The following PIP4K2A variants were observed in gnomAD, a reference collection of about 807,000 sequenced individuals.
The protein encoded by PIP4K2A is phosphatidylinositol 5-phosphate 4-kinase type-2 alpha.
PIP4K2A carries 14 observed loss-of-function variants against 42.9 expected under a neutral mutation model. The observed-to-expected ratio is 0.33, with a 90% CI of 0.22 to 0.51. The LOEUF is 0.51. Among genes scored for constraint, PIP4K2A ranks in the 20% least tolerant of loss-of-function variants. The probability of loss-of-function intolerance (pLI) is 0.97; values close to 1 mark genes in which losing one functional copy is unlikely to be tolerated. For missense variants in PIP4K2A, 434 were observed against 519.8 expected (o/e 0.83, Z 1.61); for synonymous variants, 192 against 192.2 (o/e 1.00, Z 0.01).
chr10:22,704,672 G>C (rs1351550507), intron 1 of PIP4K2A, among the ~76,000 whole-genome samples: 1 of 127,418 alleles, frequency 7.8e-6, no homozygotes, highest in Non-Finnish European at 1.7e-5. Context: ...AAAAAAAAAA[G>C]GAACAGAAAA....
intron 3 of PIP4K2A, among the ~76,000 whole-genome samples, chr10:22,600,179 C>G (rs184176958): frequency 6.6e-6 from 1 of 151,924 alleles, no homozygotes; most frequent in Non-Finnish European, 1.5e-5. Flanking sequence ...GAACTAATCA[C>G]GTAAGTCTTG....
intron 4 of PIP4K2A, among the ~76,000 whole-genome samples, chr10:22,577,074 TCTC>T (rs1353397873): frequency 2.6e-4 from 14 of 53,080 alleles, no homozygotes. Context: ...CAAACTCCTG[TCTC>T]AAAAAAAAAA....
chr10:22,645,003 C>T (rs1838851120), intron 1 of PIP4K2A, among the ~76,000 whole-genome samples: 2 of 152,158 alleles, frequency 1.3e-5, no homozygotes, highest in South Asian at 2.1e-4. Context: ...TACTGCCTAC[C>T]CCCTTCCCCC....
chr10:22,649,671 G>A (rs1838953099), intron 1 of PIP4K2A, among the ~76,000 whole-genome samples: 1 of 152,118 alleles, frequency 6.6e-6, no homozygotes, highest in South Asian at 2.1e-4. Flanking sequence ...CACCTCCAAG[G>A]GAGGGGCATG....
chr10:22,657,276 C>T (rs761342247), intron 1 of PIP4K2A, among the ~76,000 whole-genome samples: 1 of 152,214 alleles, frequency 6.6e-6, no homozygotes, highest in Non-Finnish European at 1.5e-5. Flanking sequence ...AATGGGATGC[C>T]TTCACCTCCA....
chr10:22,641,224 G>T (rs1273362949), intron 1 of PIP4K2A, among the ~76,000 whole-genome samples: 3 of 152,118 alleles, frequency 2.0e-5, no homozygotes, highest in Non-Finnish European at 2.9e-5. Flanking sequence ...CTGAGGCCAA[G>T]GTCATTCATG....
At chr10:22,623,614 AG>A (rs1016554856) in intron 1 of PIP4K2A, among the ~76,000 whole-genome samples, 9 of 152,180 alleles carry the variant, frequency 5.9e-5, no homozygotes, top group Non-Finnish European at 1.2e-4. Context: ...GGCGGTTGGC[AG>A]GGGACGTCCG....
intron 6 of PIP4K2A, among the ~76,000 whole-genome samples, chr10:22,565,346 C>G (rs1320909755): frequency 6.6e-6 from 1 of 152,214 alleles, no homozygotes; most frequent in African/African-American, 2.4e-5. Context: ...GACAGAAGAA[C>G]GTGGATTGTG....
chr10:22,659,543 G>C (rs1839163230), intron 1 of PIP4K2A: 1 of 152,298 alleles, frequency 6.6e-6, no homozygotes, highest in African/African-American at 2.4e-5. Context: ...GTTGAGAGGA[G>C]GACGGTAGCA....
intron 6 of PIP4K2A, among the ~76,000 whole-genome samples, chr10:22,565,843 C>CG (rs911441979): frequency 2.0e-5 from 3 of 151,408 alleles, no homozygotes; most frequent in Non-Finnish European, 4.4e-5. Context: ...AAACAGCCCC[C>CG]CCAGGTGTGC....
At chr10:22,637,809 G>T (rs1340584137) in intron 1 of PIP4K2A, among the ~76,000 whole-genome samples, 1 of 152,196 alleles carries the variant, frequency 6.6e-6, no homozygotes, top group Non-Finnish European at 1.5e-5. Flanking sequence ...TCATTCAACA[G>T]TCTTGATGCC....
intron 7 of PIP4K2A, among the ~76,000 whole-genome samples, chr10:22,545,180 C>T (rs1436076207): frequency 6.6e-6 from 1 of 152,236 alleles, no homozygotes; most frequent in Non-Finnish European, 1.5e-5. Context: ...TCTCCCCAAC[C>T]TGCTTCCAGC....
intron 1 of PIP4K2A, among the ~76,000 whole-genome samples, chr10:22,713,556 T>C (rs1833954471): frequency 6.6e-6 from 1 of 152,218 alleles, no homozygotes; most frequent in Non-Finnish European, 1.5e-5. Flanking sequence ...AGAGCCATAT[T>C]TACATCGGCT....
chr10:22,583,721 G>A (rs1290829990), intron 4 of PIP4K2A, among the ~76,000 whole-genome samples: 2 of 152,246 alleles, frequency 1.3e-5, no homozygotes, highest in East Asian at 3.9e-4. Context: ...CAGAGGTGAA[G>A]ATGAAGCTAA....
intron 9 of PIP4K2A, among the ~76,000 whole-genome samples, chr10:22,538,126 C>T (rs950860021): frequency 1.3e-5 from 2 of 152,238 alleles, no homozygotes; most frequent in Admixed American, 6.5e-5. Flanking sequence ...TGTTTTTAGA[C>T]ACCCATGTTC....
chr10:22,539,659 G>A (rs578219345), intron 9 of PIP4K2A: 1 of 286,772 alleles, frequency 3.5e-6, no homozygotes, highest in Non-Finnish European at 6.6e-6. Flanking sequence ...TCCGCCATGT[G>A]TAAAAAGAAG....
intron 1 of PIP4K2A, among the ~76,000 whole-genome samples, chr10:22,708,476 C>T (rs937369753): frequency 6.6e-6 from 1 of 152,180 alleles, no homozygotes; most frequent in African/African-American, 2.4e-5. Flanking sequence ...CTACATGGTA[C>T]TGTAACTGCA....
chr10:22,687,490 TG>T (rs1411955034), intron 1 of PIP4K2A, among the ~76,000 whole-genome samples: 2 of 152,018 alleles, frequency 1.3e-5, no homozygotes, highest in African/African-American at 2.4e-5. Flanking sequence ...TTCATAAAAC[TG>T]TATTGGGGAT....
rs1836391743 is a variant in PIP4K2A at position 22,550,767 on chromosome 10, T to C, written c.684A>G (p.Lys228=). Residue 228 remains lysine, a synonymous_variant, in exon 7 of 10, where the codon AAA becomes AAG. Coordinates refer to ENST00000376573, the MANE Select transcript of PIP4K2A (RefSeq NM_005028.5). ...AREASDKEKA[K]ELPTLKDNDF... is the part of the protein sequence containing the mutation. The stretch of plus-strand genomic sequence containing the variant: ...CATTATCTTTCAGAGTTGGCAGTTC[T>C]TTGGCCTAAAACAAATGAGAAAAAC... The C allele has an allele frequency of 6.3e-7, 1 of 1,580,624 alleles. No individual in the cohort carries two copies. Among genetic ancestry groups the C allele is most frequent in the Admixed American group, 1.7e-5 (1 of 59,782 alleles).
Sources: gnomAD v4.1 joint callset for allele counts (sites outside exome capture counted in the v4.1 genomes callset) on GRCh38, gnomAD v4.1.1 for gene constraint, MANE v1.5 for transcripts, NCBI Gene and HGNC (gene_info 2026-07-23, HGNC 2026-07-21) for gene names.